The following MRPS18A variants were observed in gnomAD, a reference collection of about 807,000 sequenced individuals.
MRPS18A encodes the protein large ribosomal subunit protein mL66.
A neutral mutation model predicts 22.7 loss-of-function variants in MRPS18A; 20 were observed. That is an observed-to-expected ratio of 0.88 (90% CI 0.62 to 1.28). The LOEUF is 1.28. Ranked by LOEUF, MRPS18A falls within the 50% of genes most tolerant of loss-of-function variation. The probability of loss-of-function intolerance (pLI) is 0.00; values close to 1 mark genes in which losing one functional copy is unlikely to be tolerated. For synonymous variants in MRPS18A, 106 were observed against 99.1 expected, an observed-to-expected ratio of 1.07 and a Z score of -0.41; for missense variants, 294 against 262.6, an observed-to-expected ratio of 1.12 and a Z score of -0.83.
intron 3 of MRPS18A, 71 bp downstream of exon 3, chr6:43,678,447 T>A: frequency 8.6e-7 from 1 of 1,157,296 alleles, no homozygotes; most frequent in Non-Finnish European, 1.3e-6. Flanking sequence ...GGGGACATGC[T>A]GCTCCAGTTA....
At chr6:43,677,884 C>T (rs1293099904) in intron 3 of MRPS18A, among the ~76,000 whole-genome samples, 1 of 152,114 alleles carries the variant, frequency 6.6e-6, no homozygotes, top group Non-Finnish European at 1.5e-5. Flanking sequence ...TCCCTGGAAA[C>T]GACTGCACTA....
intron 5 of MRPS18A, among the ~76,000 whole-genome samples, chr6:43,674,169 C>T (rs748740554): frequency 6.6e-6 from 1 of 152,104 alleles, no homozygotes; most frequent in Non-Finnish European, 1.5e-5. Flanking sequence ...CTGACTTAGC[C>T]CCCAGGGACA....
rs1308462990 is a variant in MRPS18A at position 43,687,752 on chromosome 6, C to T, written c.28G>A (p.Gly10Ser). The change falls in exon 1 of 6, where the codon GGC becomes AGC. Residue 10 changes from glycine to serine, a missense_variant. Gly to Ser is a moderately conservative substitution (Grantham distance 56). Transcript: ENST00000372133. ...AGCCCACGGAGAAGCCGCCCACAGC[C>T]GGACACCAGAGCCTTGAGGGCCGCC... is the stretch of plus-strand genomic sequence containing the variant. MAALKALVS[G>S]CGRLLRGLLA... 7 of 1,583,822 alleles carry T rather than the reference C, an allele frequency of 4.4e-6. No individual in the cohort carries two copies. The African/African-American group carries it at 9.4e-5, about 21-fold the overall frequency.
At chr6:43,679,146 C>A (rs879201310) in intron 2 of MRPS18A, among the ~76,000 whole-genome samples, 1 of 152,194 alleles carries the variant, frequency 6.6e-6, no homozygotes, top group Admixed American at 6.5e-5. Flanking sequence ...TGGGTCTCAA[C>A]CAGAGGTGAT....
In MRPS18A at chr6:43,673,074, G is replaced by T. The variant is rs1486082942; in HGVS notation, c.447-1168C>A. 6.8e-6 allele frequency among the ~76,000 whole-genome samples: 1 copy of T among 147,422 alleles called. No homozygotes were observed. Among genetic ancestry groups the T allele is most frequent in the South Asian group, 2.2e-4 (1 of 4,630 alleles). On this transcript the variant is annotated intron_variant, in intron 5 of 5. Transcript: ENST00000372133. The surrounding 1 kb of genome is among the most constrained non-coding windows in gnomAD (Gnocchi z 4.2). ...GCGATCTCGGCTCACTGCAACTTCCGCCTCCTGGGTTTAAGCAATTCTCCT... is the reference window on the plus strand; with the variant it reads ...GCGATCTCGGCTCACTGCAACTTCCTCCTCCTGGGTTTAAGCAATTCTCCT...
intron 1 of MRPS18A, among the ~76,000 whole-genome samples, chr6:43,682,302 TAAAC>T (rs758775979): frequency 1.6e-4 from 24 of 152,052 alleles, no homozygotes; most frequent in African/African-American, 3.9e-4. Flanking sequence ...CCATCTCAAA[TAAAC>T]AAACAAACAC....
chr6:43,678,722 A>G, intron 2 of MRPS18A, 97 bp from the exon 3 acceptor site: 1 of 856,720 alleles, frequency 1.2e-6, no homozygotes, highest in Non-Finnish European at 1.9e-6. Flanking sequence ...ATGCTGGTGA[A>G]AGTTTACCTT....
Position 43,678,542 on chromosome 6 carries a change from G to C in MRPS18A, c.228C>G (p.Asn76Lys). The change falls in exon 3 of 6, where the codon AAC (asparagine) becomes AAG (lysine). Residue 76 changes from asparagine to lysine, a missense_variant. Transcript: ENST00000372133. ...PSGQCPICRW[N>K]LKHKYNYDDV... ...CGTCATAGTTATACTTGTGCTTCAG[G>C]TTCCAACGGCAGATGGGGCACTGGC... The C allele has an allele frequency of 1.2e-6, 2 of 1,613,528 alleles. No homozygotes were observed. Among genetic ancestry groups the C allele is most frequent in the Non-Finnish European group, 1.7e-6 (2 of 1,179,506 alleles).
rs1773721176 is a variant in MRPS18A, at chr6:43,671,893, A to C, written c.460T>G (p.Trp154Gly). Residue 154 changes from tryptophan to glycine, a missense_variant, in exon 6 of 6, where the codon TGG becomes GGG. Transcript: ENST00000372133. Reference protein sequence around the residue: ...KPQLNRYLTRWAPGSVKPIYK... With the variant: ...KPQLNRYLTRGAPGSVKPIYK... Reference sequence around the variant, plus strand: ...ATGGGCTTGACGGAGCCAGGAGCCCAGCGCGTCAGGTACCTGTGGAGGGAG... The same window carrying C: ...ATGGGCTTGACGGAGCCAGGAGCCCCGCGCGTCAGGTACCTGTGGAGGGAG... 6.2e-7 allele frequency: 1 copy of C among 1,610,558 alleles called. No individual in the cohort carries two copies. Among genetic ancestry groups the C allele is most frequent in the South Asian group, 1.1e-5 (1 of 90,654 alleles).
At chr6:43,677,612 G>A (rs886932109) in intron 3 of MRPS18A, among the ~76,000 whole-genome samples, 2 of 152,190 alleles carry the variant, frequency 1.3e-5, no homozygotes, top group African/African-American at 4.8e-5. Flanking sequence ...AGGAGGTAGT[G>A]TAGTCATTAG....
intron 1 of MRPS18A, 41 bp from the exon 2 acceptor site, chr6:43,681,161 T>C (rs752451094): frequency 6.3e-7 from 1 of 1,596,884 alleles, no homozygotes; most frequent in South Asian, 1.1e-5. Flanking sequence ...AGCCATTTAA[T>C]AAGGAACAGA....
Position 43,687,667 on chromosome 6 carries a change from C to G in MRPS18A, c.112+1G>C, listed in dbSNP as rs1774794505. The G allele has an allele frequency of 9.3e-7, 1 of 1,070,194 alleles. No homozygotes were observed. Among genetic ancestry groups the G allele is most frequent in the African/African-American group, 1.7e-5 (1 of 57,882 alleles). 66.3% of individuals were successfully genotyped at this position (1,070,194 alleles called of 1,614,324 possible). ...GGAGGTTGCTGGGACGCATGACTCA[C>G]CTTCCCTGAACCCGCGAGCTGGAAG... On this transcript the variant is annotated splice_donor_variant, in intron 1 of 5. Transcript: ENST00000372133. LOFTEE classifies it high-confidence loss of function.
chr6:43,674,567 G>A (rs1450046966), intron 5 of MRPS18A, among the ~76,000 whole-genome samples: 1 of 152,162 alleles, frequency 6.6e-6, no homozygotes, highest in Admixed American at 6.5e-5. Context: ...CTTGCAATGG[G>A]ACAGCTGCTT....
At chr6:43,679,438 C>T (rs1774260369) in intron 2 of MRPS18A, among the ~76,000 whole-genome samples, 1 of 152,240 alleles carries the variant, frequency 6.6e-6, no homozygotes, top group Admixed American at 6.5e-5. Flanking sequence ...CTCTGTCATG[C>T]TCCTTGCTTT....
rs1396346974 is a variant in MRPS18A at position 43,671,836 on chromosome 6, G to C, written c.517C>G (p.Arg173Gly). The C allele has an allele frequency of 1.9e-6, 3 of 1,613,998 alleles. No homozygotes were observed. The highest frequency in any genetic ancestry group is 2.7e-5 in the African/African-American group (2 of 74,936). ...YKKGPRWNRV[R>G]MPVGSPLLRD... Reference sequence around the variant, plus strand: ...AGAAGGGGTGACCCCACGGGCATGCGCACCCTGTTCCAGCGGGGGCCTTTT... The same window carrying C: ...AGAAGGGGTGACCCCACGGGCATGCCCACCCTGTTCCAGCGGGGGCCTTTT... The change falls in exon 6 of 6, where the codon CGC (arginine) becomes GGC (glycine). Residue 173 changes from arginine to glycine, a missense_variant. Arg to Gly is a moderately radical substitution (Grantham distance 125). Transcript: ENST00000372133.
intron 3 of MRPS18A, 76 bp from the exon 4 acceptor site, chr6:43,675,693 C>T: frequency 6.6e-7 from 1 of 1,510,658 alleles, no homozygotes; most frequent in Non-Finnish European, 8.9e-7. Flanking sequence ...GCTTCATGGT[C>T]TACAGGGGAG....
chr6:43,683,887 G>A (rs1348533170), intron 1 of MRPS18A, among the ~76,000 whole-genome samples: 1 of 152,192 alleles, frequency 6.6e-6, no homozygotes, highest in Non-Finnish European at 1.5e-5. Flanking sequence ...TAAAGTCCAT[G>A]CCTCGTAAAG....
At position 43,673,700 on chromosome 6, in the gene MRPS18A, C is replaced by T. The variant is rs192932784; in HGVS notation, c.446+1502G>A. On this transcript the variant is annotated intron_variant, in intron 5 of 5. Coordinates refer to ENST00000372133, the MANE Select transcript of MRPS18A (RefSeq NM_018135.4). The surrounding 1 kb of genome is among the most constrained non-coding windows in gnomAD (Gnocchi z 4.2). ...TGAAGGGGCAGCAGGAGGAGCGACA[C>T]AGCAGCAGACAAAGCATGGCTCCGC... Among the ~76,000 whole-genome samples, 813 of 152,332 alleles carry T rather than the reference C, an allele frequency of 5.3e-3. 3 individuals carry two copies. The highest frequency in any genetic ancestry group is 8.4e-3 in the Non-Finnish European group (572 of 68,030).
chr6:43,685,141 A>AT (rs1774623587), intron 1 of MRPS18A, among the ~76,000 whole-genome samples: 1 of 152,180 alleles, frequency 6.6e-6, no homozygotes, highest in Non-Finnish European at 1.5e-5. Flanking sequence ...CAAGCTATTA[A>AT]ACCCCTTGGA....
Sources: allele counts gnomAD v4.1 joint callset (sites outside exome capture counted in the v4.1 genomes callset), GRCh38; gene constraint gnomAD v4.1.1; non-coding constraint Gnocchi (gnomAD v3.1); transcripts MANE v1.5; gene names NCBI Gene and HGNC (gene_info 2026-07-23, HGNC 2026-07-21).